The following PTPN13 variants were observed in gnomAD, a reference collection of about 807,000 sequenced individuals.
PTPN13 encodes the protein protein tyrosine phosphatase non-receptor type 13, also known as tyrosine-protein phosphatase non-receptor type 13.
PTPN13 carries 191 observed loss-of-function variants against 284.0 expected under a neutral mutation model. That is an observed-to-expected ratio of 0.67 (90% CI 0.60 to 0.76). The LOEUF (loss-of-function observed/expected upper bound fraction) is 0.76. PTPN13 is among the 30% of genes least tolerant of loss of function. The pLI is 0.00. For missense variants in PTPN13, 2,797 were observed against 2,939.9 expected (o/e 0.95, Z 1.12); for synonymous variants, 986 against 1,022.3 (o/e 0.96, Z 0.68).
intron 2 of PTPN13, among the ~76,000 whole-genome samples, chr4:86,667,153 T>G (rs1727180023): frequency 6.6e-6 from 1 of 152,220 alleles, no homozygotes; most frequent in Non-Finnish European, 1.5e-5. Flanking sequence ...TAGGTGAGTT[T>G]AGGGATTTGG....
intron 33 of PTPN13, among the ~76,000 whole-genome samples, chr4:86,774,905 T>C (rs1473476148): frequency 6.6e-6 from 1 of 151,970 alleles, no homozygotes; most frequent in Non-Finnish European, 1.5e-5. Context: ...AAAGTTTAAA[T>C]TACTTAGAGG....
Position 86,741,539 on chromosome 4 carries a change from T to TG in PTPN13, c.2305-89dup, listed in dbSNP as rs556710328. 4.0e-5 allele frequency: 44 copies of TG among 1,089,936 alleles called. No individual in the cohort carries two copies. The South Asian group carries it at 6.9e-4, about 17-fold the overall frequency. The allele number at this position is 1,089,936 out of a possible 1,614,324, so 67.5% of individuals were successfully genotyped here. On this transcript the variant is annotated intron_variant, in intron 15 of 47. Coordinates refer to ENST00000411767, the MANE Select transcript of PTPN13 (RefSeq NM_080683.3). The stretch of plus-strand genomic sequence containing the variant: ...ATGTGGGAATTCAAGATGAGATTTG[T>TG]GGGGGGACACGGCCAAACCATATCA...
chr4:86,785,935 A>C lies in PTPN13; in HGVS notation c.6344A>C (p.Glu2115Ala). The C allele has an allele frequency of 6.6e-7, 1 of 1,525,762 alleles. No homozygotes were observed. The highest frequency in any genetic ancestry group is 8.9e-7 in the Non-Finnish European group (1 of 1,125,884). 94.5% of individuals were successfully genotyped at this position (1,525,762 alleles called of 1,614,324 possible). Reference protein sequence around the residue: ...DGSPLPEYFTEATKMNGCEEY... With the variant: ...DGSPLPEYFTAATKMNGCEEY... ...TCACCTTTACCTGAGTATTTTACTG[A>C]GGTAACAATAATACCTAAACAACCT... Residue 2115 changes from glutamate (E) to alanine (A), a missense_variant and splice_region_variant, in exon 40 of 48, where the codon GAG becomes GCG. Transcript: ENST00000411767.
rs1276276194 is a variant in PTPN13 at position 86,732,612 on chromosome 4, G to A, written c.1704G>A (p.Glu568=). ...TGTAGACTAAGAAAGGGAAGAATGAGGATAACCGAAGGAAAGTAAACATAA... is the reference window on the plus strand; with the variant it reads ...TGTAGACTAAGAAAGGGAAGAATGAAGATAACCGAAGGAAAGTAAACATAA... ...RSILTKKGKN[E]DNRRKVNIML... is the part of the protein sequence containing the mutation. Residue 568 remains glutamate (E), a synonymous_variant, in exon 12 of 48, where the codon GAG becomes GAA. Transcript: ENST00000411767. 6.2e-7 allele frequency: 1 copy of A among 1,613,030 alleles called. No individual in the cohort carries two copies. The highest frequency in any genetic ancestry group is 2.2e-5 in the East Asian group (1 of 44,822).
Position 86,811,102 on chromosome 4 carries a change from G to A in PTPN13, c.7356G>A (p.Gln2452=). 1 of 1,613,064 alleles carries A rather than the reference G, an allele frequency of 6.2e-7. No individual in the cohort carries two copies. ...CMRLQRHGMV[Q]TEDQYIFCYQ... ...GACTACAAAGACACGGAATGGTTCA[G>A]ACAGAGGTGAGTCATGGCTGGGCCT... Residue 2452 remains glutamine (Q), a synonymous_variant, in exon 47 of 48, where the codon CAG becomes CAA. Coordinates refer to ENST00000411767, the MANE Select transcript of PTPN13 (RefSeq NM_080683.3).
At chr4:86,640,517 G>A (rs72870675) in intron 2 of PTPN13, among the ~76,000 whole-genome samples, 8,985 of 152,164 alleles carry the variant, frequency 0.059, 384 homozygotes, top group African/African-American at 0.1. Flanking sequence ...TAAGGGATTT[G>A]TTCAGATAAA....
intron 28 of PTPN13, among the ~76,000 whole-genome samples, 168 bp downstream of exon 28, chr4:86,768,144 T>G (rs896837614): frequency 5.9e-5 from 9 of 152,184 alleles, no homozygotes; most frequent in African/African-American, 2.2e-4. Context: ...CAGAAACATA[T>G]TTGCAGCTCA....
At chr4:86,785,816 A>G in intron 39 of PTPN13, 32 bp from the exon 40 acceptor site, 1 of 1,376,006 alleles carries the variant, frequency 7.3e-7, no homozygotes, top group African/African-American at 1.5e-5. Context: ...TAGTTTTATA[A>G]ATTCCTCTTG....
At chr4:86,796,952 A>C (rs747466530) in intron 41 of PTPN13, 23 bp downstream of exon 41, 11 of 1,316,890 alleles carry the variant, frequency 8.4e-6, no homozygotes, top group Non-Finnish European at 1.2e-5. Flanking sequence ...TTTTCAAAGT[A>C]TCCATAATGC....
At chr4:86,785,083 T>C in intron 38 of PTPN13, 148 bp from the exon 39 acceptor site, 2 of 564,188 alleles carry the variant, frequency 3.5e-6, no homozygotes, top group Non-Finnish European at 6.0e-6. Context: ...TGGATCACAT[T>C]AGTGTAAACT....
chr4:86,640,217 A>G (rs1328309250), intron 2 of PTPN13, among the ~76,000 whole-genome samples: 2 of 152,194 alleles, frequency 1.3e-5, no homozygotes, highest in African/African-American at 4.8e-5. Flanking sequence ...ATTTAAAGAA[A>G]ATTTATTCAT....
intron 7 of PTPN13, among the ~76,000 whole-genome samples, chr4:86,712,228 ATAGT>A (rs935183542): frequency 3.3e-5 from 5 of 151,902 alleles, no homozygotes; most frequent in South Asian, 2.1e-4. Context: ...AAAAAGAAAA[ATAGT>A]TAGTAATGTT....
At position 86,814,848 on chromosome 4, in the gene PTPN13, G is replaced by A; in HGVS notation, c.*297G>A. On this transcript the variant is annotated 3_prime_UTR_variant, in exon 48 of 48. Coordinates refer to ENST00000411767, the MANE Select transcript of PTPN13 (RefSeq NM_080683.3). ...AGACATTGTTACAAGGACATGGTGA[G>A]TCTATTTTTAATGCACCAATCTTGT... 4.3e-6 allele frequency: 1 copy of A among 234,486 alleles called. No individual in the cohort carries two copies. Among genetic ancestry groups the A allele is most frequent in the East Asian group, 8.5e-5 (1 of 11,828 alleles). 14.5% of individuals were successfully genotyped at this position (234,486 alleles called of 1,614,324 possible). A position where few individuals can be genotyped will look rare whatever the true frequency, so the allele number is the denominator to read the frequency against.
rs988280151 is a variant in PTPN13, at chr4:86,805,858, C to T, written c.6745+489C>T. Among the ~76,000 whole-genome samples, 7 of 152,032 alleles carry T rather than the reference C, an allele frequency of 4.6e-5. 1 individual carries two copies. The highest frequency in any genetic ancestry group is 1.7e-4 in the African/African-American group (7 of 41,384). On this transcript the variant is annotated intron_variant, in intron 44 of 47. Coordinates refer to ENST00000411767, the MANE Select transcript of PTPN13 (RefSeq NM_080683.3). Reference sequence around the variant, plus strand: ...AGACATTTCAGATACCAGAAGGGAACAAAAGCAATCATTTTGGCCCGGTGC... The same window carrying T: ...AGACATTTCAGATACCAGAAGGGAATAAAAGCAATCATTTTGGCCCGGTGC...
At chr4:86,804,294 T>C (rs551387874) in intron 43 of PTPN13, among the ~76,000 whole-genome samples, 10 of 152,296 alleles carry the variant, frequency 6.6e-5, no homozygotes, top group East Asian at 3.9e-4. Flanking sequence ...TGTGGTCTCA[T>C]GGTACTGTCC....
chr4:86,808,857 A>G (rs1333588650), intron 45 of PTPN13, among the ~76,000 whole-genome samples: 2 of 152,222 alleles, frequency 1.3e-5, no homozygotes, highest in African/African-American at 4.8e-5. Context: ...GGAAAAAAAT[A>G]GAGAAGGACA....
At chr4:86,770,984 A>G (rs1739926388) in intron 30 of PTPN13, among the ~76,000 whole-genome samples, 187 bp from the exon 31 acceptor site, 1 of 152,228 alleles carries the variant, frequency 6.6e-6, no homozygotes, top group African/African-American at 2.4e-5. Flanking sequence ...GTTCTAACTT[A>G]AGGTATAAAT....
At chr4:86,792,005 G>C (rs1242979146) in intron 40 of PTPN13, among the ~76,000 whole-genome samples, 2 of 152,160 alleles carry the variant, frequency 1.3e-5, no homozygotes, top group African/African-American at 4.8e-5. Context: ...CAGAGGATGA[G>C]TTTGACAAGT....
intron 20 of PTPN13, among the ~76,000 whole-genome samples, chr4:86,753,313 G>A (rs1243078624): frequency 1.3e-5 from 2 of 152,044 alleles, no homozygotes; most frequent in African/African-American, 4.8e-5. Context: ...TAGTTCAGGT[G>A]GGAGATAATT....
Sources: gnomAD v4.1 joint callset for allele counts (sites outside exome capture counted in the v4.1 genomes callset) on GRCh38, gnomAD v4.1.1 for gene constraint, MANE v1.5 for transcripts, NCBI Gene and HGNC (gene_info 2026-07-23, HGNC 2026-07-21) for gene names.